Variants in HADH observed in about 807,000 individuals in gnomAD.
HADH encodes hydroxyacyl-coenzyme A dehydrogenase, mitochondrial.
In HADH, 24 loss-of-function variants were observed where a neutral mutation model predicts 32.2. The observed-to-expected ratio is 0.75, with a 90% CI of 0.54 to 1.05. The LOEUF is 1.05. HADH is among the 50% of genes least tolerant of loss of function. The probability of loss-of-function intolerance (pLI) is 0.00; values close to 1 mark genes in which losing one functional copy is unlikely to be tolerated. For synonymous variants in HADH, 139 were observed against 152.5 expected (o/e 0.91, Z 0.65); for missense variants, 350 against 397.1 (o/e 0.88, Z 1.01).
At chr4:107,991,169 A>ATTTTT (rs1560719333) in intron 1 of HADH, among the ~76,000 whole-genome samples, 44 of 150,904 alleles carry the variant, frequency 2.9e-4, no homozygotes, top group African/African-American at 9.7e-4. Flanking sequence ...TTTTTTTTAA[A>ATTTTT]AATTATTCCA....
intron 2 of HADH, 88 bp downstream of exon 2, chr4:108,009,975 T>TA: frequency 1.2e-6 from 1 of 827,808 alleles, no homozygotes; most frequent in Non-Finnish European, 1.9e-6. Flanking sequence ...CTTTCTTTCT[T>TA]TCTTTTTTTT....
At chr4:108,006,420 C>G (rs1000812477) in intron 1 of HADH, among the ~76,000 whole-genome samples, 12 of 152,020 alleles carry the variant, frequency 7.9e-5, no homozygotes, top group African/African-American at 2.4e-4. Context: ...TAGGCACCAC[C>G]CCAGACTAGA....
intron 3 of HADH, among the ~76,000 whole-genome samples, chr4:108,015,907 C>T (rs1158035384): frequency 2.0e-5 from 3 of 152,028 alleles, no homozygotes; most frequent in Non-Finnish European, 2.9e-5. Flanking sequence ...GAGTACCCTA[C>T]GTGTCCTTAA....
intron 6 of HADH, chr4:108,029,230 G>T (rs193062860): frequency 4.1e-6 from 1 of 244,498 alleles, no homozygotes; most frequent in Admixed American, 5.6e-5. Context: ...CATGCCCACC[G>T]TGCCATCTCC....
chr4:108,017,593 G>A (rs1409372357), intron 3 of HADH, among the ~76,000 whole-genome samples: 5 of 149,642 alleles, frequency 3.3e-5, no homozygotes, highest in East Asian at 2.0e-4. Context: ...TCGCTCTGTC[G>A]CCCAGGCTGG....
chr4:108,002,425 A>C (rs1456542730), intron 1 of HADH, among the ~76,000 whole-genome samples: 1 of 152,132 alleles, frequency 6.6e-6, no homozygotes, highest in Non-Finnish European at 1.5e-5. Flanking sequence ...GTCTCCCATT[A>C]TCCCCACATG....
At chr4:108,004,915 G>A in intron 1 of HADH, 1 of 1,534,664 alleles carries the variant, frequency 6.5e-7, no homozygotes. Flanking sequence ...TATTGTTAAA[G>A]AGGTAAGATG....
intron 1 of HADH, among the ~76,000 whole-genome samples, chr4:108,001,561 A>T (rs1236205754): frequency 1.3e-5 from 2 of 152,244 alleles, no homozygotes; most frequent in Admixed American, 1.3e-4. Context: ...AAGTTACAGT[A>T]GTCCCCCCTT....
Position 108,031,844 on chromosome 4 carries a change from TTGAATGAA to T in HADH, c.710-1316_710-1309del, listed in dbSNP as rs528756337. Reference sequence around the variant, plus strand: ...GTGCCTGCTACATAATGAATAGAAGTTGAATGAATGAATGAATGAATGACGCTGCCTAT... The same window carrying T: ...GTGCCTGCTACATAATGAATAGAAGTTGAATGAATGAATGACGCTGCCTAT... On this transcript the variant is annotated intron_variant, in intron 6 of 7. Transcript: ENST00000309522. 6.8e-3 allele frequency: 1,038 copies of T among 152,672 alleles called. 5 individuals carry two copies. The highest frequency in any genetic ancestry group is 0.011 in the Non-Finnish European group (772 of 68,346). The allele number at this position is 152,672 out of a possible 1,614,324, so 9.5% of individuals were successfully genotyped here. A position where few individuals can be genotyped will look rare whatever the true frequency, so the allele number is the denominator to read the frequency against.
chr4:108,019,290 A>G (rs1735800278), intron 3 of HADH, among the ~76,000 whole-genome samples: 1 of 152,216 alleles, frequency 6.6e-6, no homozygotes, highest in South Asian at 2.1e-4. Context: ...TCAAGGAAGG[A>G]TTGGTGAAGG....
intron 3 of HADH, among the ~76,000 whole-genome samples, chr4:108,017,785 G>A (rs933768484): frequency 2.0e-5 from 3 of 152,160 alleles, no homozygotes; most frequent in African/African-American, 7.2e-5. Flanking sequence ...CTGACTTCAA[G>A]TGATCCACCT....
At position 108,000,174 on chromosome 4, in the gene HADH, A is replaced by C. The variant is rs149726764; in HGVS notation, c.133-9585A>C. 2.2e-3 allele frequency among the ~76,000 whole-genome samples: 329 copies of C among 152,338 alleles called. 2 individuals carry two copies. Among genetic ancestry groups the C allele is most frequent in the African/African-American group, 7.6e-3 (314 of 41,586 alleles). The stretch of plus-strand genomic sequence containing the variant: ...GTACTATCTTGATTTCATCATCTAA[A>C]GTTGGTGTTGGCAAAGAGAAGATAA... On this transcript the variant is annotated intron_variant, in intron 1 of 7. Coordinates refer to ENST00000309522, the MANE Select transcript of HADH (RefSeq NM_005327.7).
rs1309559121 is a variant in HADH at position 108,009,830 on chromosome 4, G to C, written c.204G>C (p.Lys68Asn). The C allele has an allele frequency of 3.7e-6, 6 of 1,611,694 alleles. No individual in the cohort carries two copies. The Admixed American group carries it at 8.3e-5, about 22-fold the overall frequency. The change falls in exon 2 of 8, where the codon AAG becomes AAC. Residue 68 changes from lysine to asparagine, a missense_variant. Coordinates refer to ENST00000309522, the MANE Select transcript of HADH (RefSeq NM_005327.7). ...QTEDILAKSK[K>N]GIEESLRKVA... ...AGGACATCCTGGCAAAATCCAAAAA[G>C]GGAATTGAGGAAAGCCTTAGGAAAG...
At position 107,989,983 on chromosome 4, in the gene HADH, CGCCTCG is replaced by C. The variant is rs1286810509; in HGVS notation, c.61_66del (p.Ser21_Ala22del). ...TGCGTTCCGTGTCCTCCTCGTCCAC[CGCCTCG>C]GCCTCGGCCAAGAAGATAATCGTCA... On this transcript the variant is annotated inframe_deletion, in exon 1 of 8. Transcript: ENST00000309522. The C allele has an allele frequency of 1.9e-6, 3 of 1,612,762 alleles. No homozygotes were observed. Among genetic ancestry groups the C allele is most frequent in the South Asian group, 1.1e-5 (1 of 90,866 alleles).
In HADH at chr4:108,014,471, C is replaced by G. The variant is rs375910422; in HGVS notation, c.302C>G (p.Ala101Gly). ...GTGGAGAAGACCCTGAGCACCATAG[C>G]GACCAGCACGGATGCAGCCTCCGTT... ...EFVEKTLSTI[A>G]TSTDAASVVH... Residue 101 changes from alanine to glycine, a missense_variant, in exon 3 of 8, where the codon GCG (alanine) becomes GGG (glycine). Transcript: ENST00000309522. The G allele has an allele frequency of 1.2e-6, 2 of 1,614,092 alleles. No individual in the cohort carries two copies. The highest frequency in any genetic ancestry group is 1.7e-6 in the Non-Finnish European group (2 of 1,179,990).
At chr4:107,993,419 T>C (rs1734869867) in intron 1 of HADH, among the ~76,000 whole-genome samples, 1 of 152,204 alleles carries the variant, frequency 6.6e-6, no homozygotes, top group Non-Finnish European at 1.5e-5. Flanking sequence ...CACAAACTAG[T>C]ATTGAGGTTA....
chr4:108,013,057 T>C (rs917646745), intron 2 of HADH, among the ~76,000 whole-genome samples: 8 of 152,174 alleles, frequency 5.3e-5, no homozygotes, highest in Non-Finnish European at 1.2e-4. Flanking sequence ...CTCAGCCTTT[T>C]GAGTAGCTGG....
chr4:108,012,382 G>A (rs1735527316), intron 2 of HADH, among the ~76,000 whole-genome samples: 1 of 152,184 alleles, frequency 6.6e-6, no homozygotes, highest in Non-Finnish European at 1.5e-5. Flanking sequence ...AATTTCCTCA[G>A]CAAGACCATT....
chr4:108,033,279 G>C lies in HADH; in HGVS notation c.813G>C (p.Lys271Asn). The change falls in exon 7 of 8, where the codon AAG (lysine) becomes AAC (asparagine). Residue 271 changes from lysine to asparagine, a missense_variant. Coordinates refer to ENST00000309522, the MANE Select transcript of HADH (RefSeq NM_005327.7). ...ATTATGTCGGACTGGATACTACGAA[G>C]TTCATCGTGGATGGTAGGAATTGGA... is the stretch of plus-strand genomic sequence containing the variant. Reference protein sequence around the residue: ...LLDYVGLDTTKFIVDGWHEMD... With the variant: ...LLDYVGLDTTNFIVDGWHEMD... 1 of 1,530,536 alleles carries C rather than the reference G, an allele frequency of 6.5e-7. No individual in the cohort carries two copies. Among genetic ancestry groups the C allele is most frequent in the South Asian group, 1.1e-5 (1 of 89,360 alleles). 94.8% of individuals were successfully genotyped at this position (1,530,536 alleles called of 1,614,324 possible). A position where few individuals can be genotyped will look rare whatever the true frequency, so the allele number is the denominator to read the frequency against.
Sources: allele counts gnomAD v4.1 joint callset (sites outside exome capture counted in the v4.1 genomes callset), GRCh38; gene constraint gnomAD v4.1.1; transcripts MANE v1.5; gene names NCBI Gene and HGNC (gene_info 2026-07-23, HGNC 2026-07-21).